The following SLC39A12 variants were observed in gnomAD, a reference collection of about 807,000 sequenced individuals.
SLC39A12 encodes solute carrier family 39 member 12.
SLC39A12 carries 63 observed loss-of-function variants against 71.1 expected under a neutral mutation model. That is an observed-to-expected ratio of 0.89 (90% CI 0.72 to 1.09). The LOEUF (loss-of-function observed/expected upper bound fraction) is 1.09, where lower values mean the gene tolerates loss of function less well. Among genes scored for constraint, SLC39A12 ranks in the 50% least tolerant of loss-of-function variants. The pLI is 0.00. For synonymous variants in SLC39A12, 351 were observed against 301.3 expected (o/e 1.16, Z -1.71); for missense variants, 892 against 812.6 (o/e 1.10, Z -1.19).
At chr10:17,957,154 T>C (rs1554847864) in intron 2 of SLC39A12, among the ~76,000 whole-genome samples, 1 of 152,162 alleles carries the variant, frequency 6.6e-6, no homozygotes, top group Non-Finnish European at 1.5e-5. Context: ...ACCCCTAAAG[T>C]TTATCCTGGA....
At chr10:18,013,315 A>G (rs1169191850) in intron 12 of SLC39A12, among the ~76,000 whole-genome samples, 1 of 149,814 alleles carries the variant, frequency 6.7e-6, no homozygotes, top group Non-Finnish European at 1.5e-5. Flanking sequence ...GTTAATTTTT[A>G]TATATGGTAT....
chr10:17,971,382 A>G (rs1055952922), intron 4 of SLC39A12, among the ~76,000 whole-genome samples: 4 of 147,770 alleles, frequency 2.7e-5, no homozygotes, highest in Non-Finnish European at 4.5e-5. Flanking sequence ...CTCCTCCTCT[A>G]TTTTTTGGAA....
In SLC39A12 at chr10:17,953,232, A is replaced by G; in HGVS notation, c.-45A>G. 1 of 1,591,080 alleles carries G rather than the reference A, an allele frequency of 6.3e-7. No homozygotes were observed. Among genetic ancestry groups the G allele is most frequent in the Non-Finnish European group, 8.6e-7 (1 of 1,168,412 alleles). ...AAGTTTACCCCATAAACGGCAACAC[A>G]CTCACCTCCATCCAAGACAGACTCA... On this transcript the variant is annotated 5_prime_UTR_variant, in exon 2 of 13. Coordinates refer to ENST00000377369, the MANE Select transcript of SLC39A12 (RefSeq NM_001145195.2).
intron 12 of SLC39A12, among the ~76,000 whole-genome samples, chr10:18,027,437 C>A (rs532435849): frequency 3.9e-5 from 6 of 152,216 alleles, no homozygotes; most frequent in Non-Finnish European, 5.9e-5. Flanking sequence ...TCCCTCTCCT[C>A]CTACCAGAAG....
chr10:17,978,266 G>T (rs1262936416), intron 5 of SLC39A12, among the ~76,000 whole-genome samples, 192 bp downstream of exon 5: 1 of 152,118 alleles, frequency 6.6e-6, no homozygotes, highest in Non-Finnish European at 1.5e-5. Context: ...TAAAAACAAA[G>T]CCAAGGTATA....
At chr10:18,038,388 A>G (rs911628540) in intron 12 of SLC39A12, among the ~76,000 whole-genome samples, 2 of 151,994 alleles carry the variant, frequency 1.3e-5, no homozygotes, top group African/African-American at 4.8e-5. Flanking sequence ...ATTTGGGACA[A>G]TTTTGTAATC....
intron 8 of SLC39A12, among the ~76,000 whole-genome samples, chr10:17,992,096 A>G (rs1284053937): frequency 1.3e-5 from 2 of 151,412 alleles, no homozygotes; most frequent in African/African-American, 4.8e-5. Context: ...CTCAAAAAAA[A>G]AAAAAAAAAA....
At chr10:18,041,707 GTATATACATATGTA>G (rs369328464) in intron 12 of SLC39A12, among the ~76,000 whole-genome samples, 13 of 99,798 alleles carry the variant, frequency 1.3e-4, no homozygotes, top group African/African-American at 5.2e-4. Flanking sequence ...GTATATATAT[GTATATACATATGTA>G]TATATGTGTA....
intron 4 of SLC39A12, among the ~76,000 whole-genome samples, chr10:17,975,749 C>T (rs1177979486): frequency 2.6e-5 from 4 of 152,090 alleles, no homozygotes; most frequent in Non-Finnish European, 5.9e-5. Context: ...ATGTAAAAGT[C>T]GCCGTCCTTG....
chr10:17,998,174 T>C (rs1191345657), intron 10 of SLC39A12, among the ~76,000 whole-genome samples: 1 of 152,228 alleles, frequency 6.6e-6, no homozygotes, highest in Non-Finnish European at 1.5e-5. Flanking sequence ...GTGTTCTTTA[T>C]GGCTTACATG....
chr10:18,033,822 A>G (rs1036046535), intron 12 of SLC39A12, among the ~76,000 whole-genome samples: 2 of 151,564 alleles, frequency 1.3e-5, no homozygotes, highest in Non-Finnish European at 2.9e-5. Context: ...ACTGCTTTGA[A>G]TGCGTCCCAG....
intron 2 of SLC39A12, among the ~76,000 whole-genome samples, chr10:17,959,924 G>T (rs1459153220): frequency 6.6e-6 from 1 of 152,126 alleles, no homozygotes; most frequent in Non-Finnish European, 1.5e-5. Flanking sequence ...GAACGAAATG[G>T]ACAAAAGATG....
At chr10:17,961,015 A>C (rs998494281) in intron 2 of SLC39A12, among the ~76,000 whole-genome samples, 10 of 152,102 alleles carry the variant, frequency 6.6e-5, no homozygotes, top group African/African-American at 2.4e-4. Flanking sequence ...TTGTATTTCT[A>C]TCAGATAGTT....
At position 17,987,423 on chromosome 10, in the gene SLC39A12, A is replaced by G. The variant is rs1198880074; in HGVS notation, c.1097-56A>G. 6 of 1,560,732 alleles carry G rather than the reference A, an allele frequency of 3.8e-6. No homozygotes were observed. The South Asian group carries it at 5.7e-5, about 15-fold the overall frequency. Reference sequence around the variant, plus strand: ...ATTCTTCTGGCATTTTCGCCAGCTGAGGCCGGAATGGAGGGCACTGGGCAC... The same window carrying G: ...ATTCTTCTGGCATTTTCGCCAGCTGGGGCCGGAATGGAGGGCACTGGGCAC... On this transcript the variant is annotated intron_variant, in intron 6 of 12. Coordinates refer to ENST00000377369, the MANE Select transcript of SLC39A12 (RefSeq NM_001145195.2).
chr10:18,022,598 T>C (rs1036443839), intron 12 of SLC39A12, among the ~76,000 whole-genome samples: 5 of 152,238 alleles, frequency 3.3e-5, no homozygotes, highest in African/African-American at 1.2e-4. Context: ...CGATGATCTT[T>C]GTTGCTATCC....
intron 12 of SLC39A12, among the ~76,000 whole-genome samples, chr10:18,027,430 C>T (rs993946209): frequency 3.0e-4 from 45 of 152,208 alleles, no homozygotes; most frequent in Non-Finnish European, 5.0e-4. Flanking sequence ...ATTATTTTCC[C>T]TCTCCTCCTA....
In SLC39A12 at chr10:18,000,716, G is replaced by A; in HGVS notation, c.1650G>A (p.Leu550=). 6.2e-7 allele frequency: 1 copy of A among 1,614,126 alleles called. No homozygotes were observed. The highest frequency in any genetic ancestry group is 8.5e-7 in the Non-Finnish European group (1 of 1,179,992). ...LAIMILVGDS[L]HNFADGLAIG... ...TCATGATTCTGGTTGGGGACAGCCTGCATAATTTTGCAGATGGCCTAGCCA... is the reference window on the plus strand; with the variant it reads ...TCATGATTCTGGTTGGGGACAGCCTACATAATTTTGCAGATGGCCTAGCCA... Residue 550 remains leucine (L), a synonymous_variant, in exon 11 of 13, where the codon CTG becomes CTA. Transcript: ENST00000377369.
At chr10:18,017,736 C>A (rs904124123) in intron 12 of SLC39A12, among the ~76,000 whole-genome samples, 3 of 152,176 alleles carry the variant, frequency 2.0e-5, no homozygotes, top group African/African-American at 7.2e-5. Context: ...TGCCATTGAT[C>A]TATTTGTCTA....
At chr10:17,979,244 AT>A (rs1173613662) in intron 5 of SLC39A12, among the ~76,000 whole-genome samples, 1 of 152,258 alleles carries the variant, frequency 6.6e-6, no homozygotes, top group Non-Finnish European at 1.5e-5. Context: ...CAGTAAGGAC[AT>A]TTATGTTAGT....
Sources: allele counts gnomAD v4.1 joint callset (sites outside exome capture counted in the v4.1 genomes callset), GRCh38; gene constraint gnomAD v4.1.1; transcripts MANE v1.5; gene names NCBI Gene and HGNC (gene_info 2026-07-23, HGNC 2026-07-21).